Variants in EVC observed in about 807,000 individuals in gnomAD.
EVC encodes EvC ciliary complex subunit 1.
Under a neutral mutation model 118.9 loss-of-function variants are expected in EVC, and 116 were observed. The observed-to-expected ratio is 0.98, with a 90% CI of 0.84 to 1.14. EVC has a LOEUF of 1.14. Ranked by LOEUF, EVC falls within the 50% of genes most tolerant of loss-of-function variation. The pLI, the probability that EVC is intolerant of heterozygous loss-of-function variation, is 0.00. For synonymous variants in EVC, 619 were observed against 534.7 expected (o/e 1.16, Z -2.18); for missense variants, 1,401 against 1,246.4 (o/e 1.12, Z -1.87).
rs1731257447 is a variant in EVC at position 5,756,839 on chromosome 4, A to G, written c.1563+477A>G. 6.6e-6 allele frequency among the ~76,000 whole-genome samples: 1 copy of G among 152,110 alleles called. No individual in the cohort carries two copies. Among genetic ancestry groups the G allele is most frequent in the Admixed American group, 6.5e-5 (1 of 15,272 alleles). On this transcript the variant is annotated intron_variant, in intron 11 of 20. Coordinates refer to ENST00000264956, the MANE Select transcript of EVC (RefSeq NM_153717.3). This position sits in a 1 kb window ranked among gnomAD's most constrained non-coding sequence, Gnocchi z 4.2. The stretch of plus-strand genomic sequence containing the variant: ...GCTTGCCCTGCAGGGTGACTTTCAG[A>G]GAGCAGGAGAGGGCACCTGAGCCCT...
chr4:5,801,900 C>G, intron 15 of EVC, 50 bp from the exon 16 acceptor site: 1 of 1,600,586 alleles, frequency 6.2e-7, no homozygotes, highest in Non-Finnish European at 8.5e-7. Context: ...CCGTGGGTGG[C>G]TCCCACGTGT....
Position 5,753,053 on chromosome 4 carries a change from G to T in EVC, c.1315+1G>T, listed in dbSNP as rs1183699638. 1.3e-6 allele frequency: 2 copies of T among 1,585,260 alleles called. No homozygotes were observed. Among genetic ancestry groups the T allele is most frequent in the Admixed American group, 1.8e-5 (1 of 54,468 alleles). On this transcript the variant is annotated splice_donor_variant, in intron 9 of 20. Coordinates refer to ENST00000264956, the MANE Select transcript of EVC (RefSeq NM_153717.3). LOFTEE classifies it high-confidence loss of function. ...CAGGAGGCAGAGCGCTTCAGCCGGG[G>T]TGAGCCGTGGGCATGGGTGCCGCCG... is the stretch of plus-strand genomic sequence containing the variant.
rs1001609281 is a variant in EVC, at chr4:5,729,309, A to G, written c.303A>G (p.Glu101=). Residue 101 remains glutamate (E), a splice_region_variant and synonymous_variant, in exon 3 of 21, where the codon GAA becomes GAG. Transcript: ENST00000264956. The part of the protein sequence containing the change: ...QMSKDKEAVD[E]CEPPSNSNIT... Reference sequence around the variant, plus strand: ...CCGTTTGTGTCTTTCCCTCCCAGGAATGTGAGCCGCCTTCCAACAGCAATA... The same window carrying G: ...CCGTTTGTGTCTTTCCCTCCCAGGAGTGTGAGCCGCCTTCCAACAGCAATA... 3 of 1,614,152 alleles carry G rather than the reference A, an allele frequency of 1.9e-6. No individual in the cohort carries two copies. The highest frequency in any genetic ancestry group is 2.5e-6 in the Non-Finnish European group (3 of 1,180,006).
At chr4:5,797,316 C>A (rs915974782) in intron 14 of EVC, 84 bp downstream of exon 14, 1 of 1,175,034 alleles carries the variant, frequency 8.5e-7, no homozygotes, top group Non-Finnish European at 1.2e-6. Flanking sequence ...TTTGCCAGAA[C>A]CCGAATCCTA....
intron 6 of EVC, 109 bp downstream of exon 6, chr4:5,741,923 A>G (rs904998290): frequency 1.2e-5 from 7 of 596,214 alleles, no homozygotes; most frequent in African/African-American, 3.7e-5. Flanking sequence ...GCTTATTACA[A>G]TATATACTTT....
At chr4:5,776,252 C>T (rs551395633) in intron 11 of EVC, among the ~76,000 whole-genome samples, 1 of 151,880 alleles carries the variant, frequency 6.6e-6, no homozygotes, top group Non-Finnish European at 1.5e-5. Flanking sequence ...TGAATTAAAC[C>T]TTTTAGCATT....
At position 5,754,077 on chromosome 4, in the gene EVC, A is replaced by C; in HGVS notation, c.1464+144A>C. ...TGTGTCAGCCGAGTGACCGAATCTCAGTCCCTTAGCCCCTACATCCCTAGG... is the reference window on the plus strand; with the variant it reads ...TGTGTCAGCCGAGTGACCGAATCTCCGTCCCTTAGCCCCTACATCCCTAGG... On this transcript the variant is annotated intron_variant, in intron 10 of 20. Coordinates refer to ENST00000264956, the MANE Select transcript of EVC (RefSeq NM_153717.3). This position sits in a 1 kb window ranked among gnomAD's most constrained non-coding sequence, Gnocchi z 5.8. 6 of 1,082,154 alleles carry C rather than the reference A, an allele frequency of 5.5e-6. No homozygotes were observed. The highest frequency in any genetic ancestry group is 1.3e-5 in the South Asian group (1 of 74,836). The allele number at this position is 1,082,154 out of a possible 1,614,324, so 67.0% of individuals were successfully genotyped here. A position where few individuals can be genotyped will look rare whatever the true frequency, so the allele number is the denominator to read the frequency against.
At chr4:5,791,019 C>T (rs565959476) in intron 12 of EVC, among the ~76,000 whole-genome samples, 18 of 150,974 alleles carry the variant, frequency 1.2e-4, no homozygotes, top group Non-Finnish European at 2.4e-4. Context: ...CGCTTGAACC[C>T]GGGAGGTGAA....
intron 1 of EVC, among the ~76,000 whole-genome samples, chr4:5,714,971 AT>A (rs71171415): frequency 0.11 from 16,310 of 147,782 alleles, 1,010 homozygotes; most frequent in Middle Eastern, 0.16. Context: ...TGCCTGGCTA[AT>A]TTTTTTTTTT....
At chr4:5,817,761 TA>T (rs1458716323), downstream of EVC, among the ~76,000 whole-genome samples, 7 of 152,126 alleles carry the variant, frequency 4.6e-5, no homozygotes, top group Admixed American at 6.5e-5. Flanking sequence ...GTTGAGTCTA[TA>T]GAGATTTGGC....
rs4539985 is a variant in EVC, at chr4:5,719,586, C to T, written c.300+213C>T. Among the ~76,000 whole-genome samples the T allele has an allele frequency of 0.49, 73,817 of 151,932 alleles. 18,436 individuals are homozygous for T. Among genetic ancestry groups the T allele is most frequent in the Non-Finnish European group, 0.55 (37,534 of 67,970 alleles). ...AATTGCATGCCCCTTAGAACAAATA[C>T]CCCCCTGAGAATGTTTTCATCACCC... On this transcript the variant is annotated intron_variant, in intron 2 of 20. Transcript: ENST00000264956. The surrounding 1 kb of genome is among the most constrained non-coding windows in gnomAD (Gnocchi z 4.7).
intron 11 of EVC, among the ~76,000 whole-genome samples, chr4:5,772,899 C>T (rs1177176710): frequency 6.6e-6 from 1 of 152,156 alleles, no homozygotes; most frequent in Non-Finnish European, 1.5e-5. Context: ...CTTTGAGTCT[C>T]AGCTGAAATG....
rs557149017 is a variant in EVC at position 5,733,026 on chromosome 4, TA to T, written c.618-322del. Among the ~76,000 whole-genome samples, 194 of 152,212 alleles carry T rather than the reference TA, an allele frequency of 1.3e-3. 1 individual carries two copies. The highest frequency in any genetic ancestry group is 4.2e-3 in the African/African-American group (176 of 41,526). On this transcript the variant is annotated intron_variant, in intron 4 of 20. Transcript: ENST00000264956. ...CCCTATTTCTAAAAAGATAAGTAAA[TA>T]AATTTTTTTTTAGAAAATACTCAAA... is the stretch of plus-strand genomic sequence containing the variant.
chr4:5,792,095 A>G (rs1712898124), intron 12 of EVC, among the ~76,000 whole-genome samples: 1 of 101,334 alleles, frequency 9.9e-6, no homozygotes, highest in African/African-American at 3.3e-5. Flanking sequence ...AAAATGATGA[A>G]TCCAATAAAA....
chr4:5,745,323 T>C lies in EVC; in HGVS notation c.921T>C (p.Ser307=). 2 of 1,614,104 alleles carry C rather than the reference T, an allele frequency of 1.2e-6. No homozygotes were observed. Among genetic ancestry groups the C allele is most frequent in the Middle Eastern group, 1.6e-4 (1 of 6,062 alleles). Residue 307 remains serine (S), a synonymous_variant, in exon 7 of 21, where the codon TCT becomes TCC. Transcript: ENST00000264956. ...ADVEKKEREY[S]EQLIDNMEAF... ...TGGAAAAGAAGGAGAGAGAATACTC[T>C]GAACAGCTAATCGATAATGTGCGTG...
In EVC at chr4:5,745,268, G is replaced by A. The variant is rs1347479870; in HGVS notation, c.866G>A (p.Gly289Asp). 1.9e-6 allele frequency: 3 copies of A among 1,613,928 alleles called. No individual in the cohort carries two copies. The highest frequency in any genetic ancestry group is 2.2e-5 in the South Asian group (2 of 91,084). Residue 289 changes from glycine to aspartate, a missense_variant, in exon 7 of 21, where the codon GGT (glycine) becomes GAT (aspartate). Physicochemically the swap from Gly to Asp is moderately conservative, Grantham distance 94 (BLOSUM62 -1). Transcript: ENST00000264956. ...KLSNTEMSGA[G>D]DSEYITLADV... ...TCAAACACAGAAATGTCGGGGGCTG[G>A]TGACTCTGAGTACATCACCCTGGCT...
intron 5 of EVC, among the ~76,000 whole-genome samples, 197 bp downstream of exon 5, chr4:5,733,632 A>T (rs1194960216): frequency 3.9e-5 from 6 of 152,188 alleles, no homozygotes; most frequent in African/African-American, 1.4e-4. Context: ...TTGGTGGGGC[A>T]TGGCCTTGAC....
chr4:5,790,956 G>A (rs541413344), intron 12 of EVC, among the ~76,000 whole-genome samples: 5 of 152,074 alleles, frequency 3.3e-5, no homozygotes, highest in East Asian at 3.9e-4. Flanking sequence ...TTAACTGGGC[G>A]TGGTGGCGGG....
intron 11 of EVC, among the ~76,000 whole-genome samples, chr4:5,773,593 G>A (rs187294971): frequency 2.6e-5 from 4 of 152,222 alleles, no homozygotes; most frequent in South Asian, 4.2e-4. Context: ...GTGGGTGCCG[G>A]GAGAGAGACT....
Sources: allele counts gnomAD v4.1 joint callset (sites outside exome capture counted in the v4.1 genomes callset), GRCh38; gene constraint gnomAD v4.1.1; non-coding constraint Gnocchi (gnomAD v3.1); transcripts MANE v1.5; gene names NCBI Gene and HGNC (gene_info 2026-07-23, HGNC 2026-07-21).